The following ADAD2 variants were observed in gnomAD, a reference collection of about 807,000 sequenced individuals.
ADAD2 encodes the protein adenosine deaminase domain-containing protein 2.
Under a neutral mutation model 54.5 loss-of-function variants are expected in ADAD2, and 60 were observed. That is an observed-to-expected ratio of 1.10 (90% CI 0.89 to 1.36). ADAD2 has a LOEUF of 1.36. Ranked by LOEUF, ADAD2 falls within the 40% of genes most tolerant of loss-of-function variation. The pLI is 0.00. For synonymous variants in ADAD2, 543 were observed against 366.2 expected, an observed-to-expected ratio of 1.48 and a Z score of -5.51; for missense variants, 1,103 against 801.3, an observed-to-expected ratio of 1.38 and a Z score of -4.54.
rs1406515862 is a variant in ADAD2, at chr16:84,196,278, C to T, written c.1434C>T (p.Thr478=). The T allele has an allele frequency of 6.2e-7, 1 of 1,612,950 alleles. No individual in the cohort carries two copies. The highest frequency in any genetic ancestry group is 8.5e-7 in the Non-Finnish European group (1 of 1,179,972). The change falls in exon 8 of 10, where the codon ACC becomes ACT. Residue 478 remains threonine (T), a synonymous_variant. Transcript: ENST00000315906. ...CCCCGGTGGCCCCTTCCGAACCCACCCCTGACACCTGCCGTGGCCTGAGCC... is the reference window on the plus strand; with the variant it reads ...CCCCGGTGGCCCCTTCCGAACCCACTCCTGACACCTGCCGTGGCCTGAGCC... The part of the protein sequence containing the change: ...AGPPVAPSEP[T]PDTCRGLSLN...
rs1234929102 is a variant in ADAD2 at position 84,196,662 on chromosome 16, T to G, written c.1542T>G (p.Pro514=). 2 of 1,613,328 alleles carry G rather than the reference T, an allele frequency of 1.2e-6. No individual in the cohort carries two copies. Among genetic ancestry groups the G allele is most frequent in the African/African-American group, 2.7e-5 (2 of 74,914 alleles). ...CTTCATCCAGTGCCGCCCTGGGGCCTCCCTCCCGTCTCTGCAAGGCCTCCT... is the reference window on the plus strand; with the variant it reads ...CTTCATCCAGTGCCGCCCTGGGGCCGCCCTCCCGTCTCTGCAAGGCCTCCT... ...GRVKANAALG[P]PSRLCKASFL... is the part of the protein sequence containing the mutation. The change falls in exon 9 of 10, where the codon CCT becomes CCG. Residue 514 remains proline, a synonymous_variant. Transcript: ENST00000315906.
rs1000909557 is a variant in ADAD2, at chr16:84,195,072, A to G, written c.611A>G (p.Asn204Ser). The G allele has an allele frequency of 4.3e-6, 7 of 1,613,290 alleles. No individual in the cohort carries two copies. Among genetic ancestry groups the G allele is most frequent in the Non-Finnish European group, 5.9e-6 (7 of 1,179,782 alleles). ...RPPLAPLSVE[N>S]ILTHEQRCAA... is the part of the protein sequence containing the mutation. ...GCAGTCTCTCGCCCTGGCGCAGAGA[A>G]CATCCTGACCCATGAGCAGCGCTGC... Residue 204 changes from asparagine (N) to serine (S), a missense_variant, in exon 4 of 10, where the codon AAC becomes AGC. Coordinates refer to ENST00000315906, the MANE Select transcript of ADAD2 (RefSeq NM_001145400.2).
Position 84,195,383 on chromosome 16 carries a change from A to C in ADAD2, c.821A>C (p.Glu274Ala), listed in dbSNP as rs1165095034. 6.2e-7 allele frequency: 1 copy of C among 1,608,710 alleles called. No individual in the cohort carries two copies. Among genetic ancestry groups the C allele is most frequent in the Non-Finnish European group, 8.5e-7 (1 of 1,179,344 alleles). The change falls in exon 5 of 10, where the codon GAG (glutamate) becomes GCG (alanine). Residue 274 changes from glutamate (E) to alanine (A), a missense_variant. Glu to Ala is a moderately radical substitution (Grantham distance 107, BLOSUM62 -1). Coordinates refer to ENST00000315906, the MANE Select transcript of ADAD2 (RefSeq NM_001145400.2). ...TGSSCCAGWLEFSGQQLHDCH... is the reference protein window; with the variant it reads ...TGSSCCAGWLAFSGQQLHDCH... The stretch of plus-strand genomic sequence containing the variant: ...AGCAGCTGCTGTGCTGGCTGGCTGG[A>C]GTTCTCGGGCCAGCAGCTCCACGAC...
At chr16:84,193,002 G>T (rs552819567) in intron 1 of ADAD2, 1 of 151,712 alleles carries the variant, frequency 6.6e-6, no homozygotes, top group South Asian at 2.1e-4. Flanking sequence ...GTGCCCCCGT[G>T]CCCAGCTAAT....
intron 8 of ADAD2, 36 bp downstream of exon 8, chr16:84,196,406 G>A (rs760287921): frequency 1.3e-6 from 2 of 1,591,418 alleles, no homozygotes; most frequent in Non-Finnish European, 1.7e-6. Context: ...CTGTGGAGCA[G>A]TGCTGGTGAT....
chr16:84,192,405 C>T (rs1307222324), intron 1 of ADAD2, among the ~76,000 whole-genome samples: 1 of 152,196 alleles, frequency 6.6e-6, no homozygotes. Flanking sequence ...CCTCCTGGGC[C>T]TCCAAAGTGC....
In ADAD2 at chr16:84,195,895, C is replaced by T. The variant is rs1354323988; in HGVS notation, c.1133C>T (p.Pro378Leu). Residue 378 changes from proline (P) to leucine (L), a missense_variant, in exon 7 of 10, where the codon CCT (proline) becomes CTT (leucine). Physicochemically the swap from Pro to Leu is moderately conservative, Grantham distance 98. Coordinates refer to ENST00000315906, the MANE Select transcript of ADAD2 (RefSeq NM_001145400.2). Reference sequence around the variant, plus strand: ...GCCCATGTGCTCGGGCAGCTGAAGCCTGTGTGCTACGTGGCGCCCTCGCTC... The same window carrying T: ...GCCCATGTGCTCGGGCAGCTGAAGCTTGTGTGCTACGTGGCGCCCTCGCTC... ...LQAHVLGQLK[P>L]VCYVAPSLCD... The T allele has an allele frequency of 1.9e-6, 3 of 1,602,692 alleles. No homozygotes were observed. Among genetic ancestry groups the T allele is most frequent in the African/African-American group, 1.3e-5 (1 of 74,856 alleles).
rs749697417 is a variant in ADAD2, at chr16:84,196,704, C to T, written c.1584C>T (p.His528=). 1.7e-5 allele frequency: 27 copies of T among 1,613,194 alleles called. 1 individual carries two copies. In the Middle Eastern group the frequency reaches 1.3e-3, roughly 79 times the overall value. ...LCKASFLRAF[H]QAARAVGKPY... is the part of the protein sequence containing the mutation. ...AGGCCTCCTTTCTCCGGGCCTTTCA[C>T]CAGGCGGCCAGGGCTGTGGGGAAGC... Residue 528 remains histidine (H), a synonymous_variant, in exon 9 of 10, where the codon CAC becomes CAT. Coordinates refer to ENST00000315906, the MANE Select transcript of ADAD2 (RefSeq NM_001145400.2).
chr16:84,193,796 T>G, intron 1 of ADAD2: 2 of 500,836 alleles, frequency 4.0e-6, no homozygotes, highest in South Asian at 3.5e-5. Context: ...TGATGCCTGT[T>G]TAGAGCAGAC....
chr16:84,194,162 G>A (rs754703832), intron 1 of ADAD2: 14 of 1,604,894 alleles, frequency 8.7e-6, no homozygotes, highest in African/African-American at 4.0e-5. Context: ...TGGGCAAACC[G>A]CCTGCCGTTT....
Position 84,195,597 on chromosome 16 carries a change from G to GC in ADAD2, c.958dup (p.Gln320ProfsTer30), listed in dbSNP as rs1267616764. The GC allele has an allele frequency of 1.2e-6, 2 of 1,604,064 alleles. No individual in the cohort carries two copies. The highest frequency in any genetic ancestry group is 8.5e-7 in the Non-Finnish European group (1 of 1,175,732). Reference sequence around the variant, plus strand: ...CAAGGGCAAGGAGCAGTCCGTGCTGGCCCCCCAGCCAGGGCCCGGACCCCC... The same window carrying GC: ...CAAGGGCAAGGAGCAGTCCGTGCTGGCCCCCCCAGCCAGGGCCCGGACCCCC... On this transcript the variant is annotated frameshift_variant, in exon 6 of 10. Coordinates refer to ENST00000315906, the MANE Select transcript of ADAD2 (RefSeq NM_001145400.2). LOFTEE classifies it high-confidence loss of function.
chr16:84,195,834 G>A lies in ADAD2; in HGVS notation c.1072G>A (p.Gly358Ser), dbSNP rs762437994. ...RDIYLPPTSE[G>S]GLPHSPPMRL... is the part of the protein sequence containing the mutation. ...CCGCAGCCTGCCCCCCACCTCGGAA[G>A]GTGGCCTCCCGCACAGCCCACCCAT... Residue 358 changes from glycine (G) to serine (S), a missense_variant, in exon 7 of 10, where the codon GGT becomes AGT. Coordinates refer to ENST00000315906, the MANE Select transcript of ADAD2 (RefSeq NM_001145400.2). 5 of 1,605,588 alleles carry A rather than the reference G, an allele frequency of 3.1e-6. No homozygotes were observed. The highest frequency in any genetic ancestry group is 4.2e-6 in the Non-Finnish European group (5 of 1,177,402).
In ADAD2 at chr16:84,196,157, G is replaced by T; in HGVS notation, c.1313G>T (p.Ser438Ile). ...ADSCHDPPTL[S>I]RAIHTRPCLD... ...TCATGCCACGACCCTCCGACTCTGAGCAGGGCCATCCACACCCGGCCCTGC... is the reference window on the plus strand; with the variant it reads ...TCATGCCACGACCCTCCGACTCTGATCAGGGCCATCCACACCCGGCCCTGC... The change falls in exon 8 of 10, where the codon AGC becomes ATC. Residue 438 changes from serine to isoleucine, a missense_variant. Ser to Ile is a moderately radical substitution (Grantham distance 142, BLOSUM62 -2). Coordinates refer to ENST00000315906, the MANE Select transcript of ADAD2 (RefSeq NM_001145400.2). 6.2e-7 allele frequency: 1 copy of T among 1,605,596 alleles called. No homozygotes were observed. Among genetic ancestry groups the T allele is most frequent in the Non-Finnish European group, 8.5e-7 (1 of 1,179,812 alleles).
intron 1 of ADAD2, 119 bp downstream of exon 1, chr16:84,191,767 C>G: frequency 7.0e-7 from 1 of 1,432,162 alleles, no homozygotes; most frequent in Non-Finnish European, 9.5e-7. Flanking sequence ...CTCAGAGACA[C>G]CGCCGGAGCA....
In ADAD2 at chr16:84,195,443, T is replaced by G; in HGVS notation, c.881T>G (p.Leu294Arg). The change falls in exon 5 of 10, where the codon CTG becomes CGG. Residue 294 changes from leucine to arginine, a missense_variant. Physicochemically the swap from Leu to Arg is moderately radical, Grantham distance 102. Coordinates refer to ENST00000315906, the MANE Select transcript of ADAD2 (RefSeq NM_001145400.2). ...CTGGTCATCGCCCGCAGGGCCCTGC[T>G]GAGGTGAGGGGCAGTGGGGTGGGCG... ...HGLVIARRALLRFLFRQLLLA... is the reference protein window; with the variant it reads ...HGLVIARRALRRFLFRQLLLA... 1.1e-5 allele frequency: 18 copies of G among 1,609,806 alleles called. No individual in the cohort carries two copies. The highest frequency in any genetic ancestry group is 1.4e-5 in the Non-Finnish European group (17 of 1,179,308).
In ADAD2 at chr16:84,191,459, G is replaced by C. The variant is rs1015077091; in HGVS notation, c.229G>C (p.Glu77Gln). 6.5e-6 allele frequency: 10 copies of C among 1,530,286 alleles called. No homozygotes were observed. The East Asian group carries it at 2.2e-4, about 34-fold the overall frequency. The allele number at this position is 1,530,286 out of a possible 1,614,324, so 94.8% of individuals were successfully genotyped here. A position where few individuals can be genotyped will look rare whatever the true frequency, so the allele number is the denominator to read the frequency against. The change falls in exon 1 of 10, where the codon GAA becomes CAA. Residue 77 changes from glutamate (E) to glutamine (Q), a missense_variant. Glu to Gln is a conservative substitution (Grantham distance 29). Transcript: ENST00000315906. ...GCCTGGGGCAGGGGCCGGAGTCGGG[G>C]AACTGGGGGCAGCCCGGGCGTGGGA... ...SGPGAGAGVG[E>Q]LGAARAWENL... is the part of the protein sequence containing the mutation.
At position 84,195,000 on chromosome 16, in the gene ADAD2, C is replaced by A; in HGVS notation, c.607+20C>A. 1.3e-6 allele frequency: 2 copies of A among 1,541,770 alleles called. No individual in the cohort carries two copies. Among genetic ancestry groups the A allele is most frequent in the Non-Finnish European group, 1.7e-6 (2 of 1,151,782 alleles). On this transcript the variant is annotated intron_variant, in intron 3 of 9. Coordinates refer to ENST00000315906, the MANE Select transcript of ADAD2 (RefSeq NM_001145400.2). The stretch of plus-strand genomic sequence containing the variant: ...GCGTAGGTAGGTGAGCATTCCCGGA[C>A]CCAGGCTTGTAGTGTCGAGGGGAGA...
At chr16:84,193,212 T>C (rs931516170) in intron 1 of ADAD2, 1 of 148,124 alleles carries the variant, frequency 6.8e-6, no homozygotes, top group African/African-American at 2.5e-5. Flanking sequence ...ATTGATATAA[T>C]ACCATCTTCT....
chr16:84,196,225 C>A lies in ADAD2; in HGVS notation c.1381C>A (p.Arg461=). The change falls in exon 8 of 10, where the codon CGG becomes AGG. Residue 461 remains arginine (R), a synonymous_variant. Transcript: ENST00000315906. ...GCCATGCCTGCCACCTCCCTACGTC[C>A]GGACCGCCCTGCACCTGTTTGCAGG... ...LGPCLPPPYV[R]TALHLFAGPP... The A allele has an allele frequency of 6.2e-7, 1 of 1,611,402 alleles. No homozygotes were observed. The highest frequency in any genetic ancestry group is 8.5e-7 in the Non-Finnish European group (1 of 1,179,890).
Sources: allele counts gnomAD v4.1 joint callset (sites outside exome capture counted in the v4.1 genomes callset), GRCh38; gene constraint gnomAD v4.1.1; transcripts MANE v1.5; gene names NCBI Gene and HGNC (gene_info 2026-07-23, HGNC 2026-07-21).